DLGAP1: variants seen among roughly 807,000 people sequenced by gnomAD.
DLGAP1 encodes disks large-associated protein 1.
Under a neutral mutation model 90.8 loss-of-function variants are expected in DLGAP1, and 11 were observed. The ratio of observed to expected loss-of-function variants is 0.12; its 90% CI spans 0.08 to 0.20. The LOEUF (loss-of-function observed/expected upper bound fraction) is 0.20, where lower values mean the gene tolerates loss of function less well. DLGAP1 is among the 10% of genes least tolerant of loss of function. The probability of loss-of-function intolerance (pLI) is 1.00; values close to 1 mark genes in which losing one functional copy is unlikely to be tolerated. For synonymous variants in DLGAP1, 558 were observed against 540.7 expected (o/e 1.03, Z -0.44); for missense variants, 1,050 against 1,333.8 (o/e 0.79, Z 3.31).
At chr18:4,240,708 T>C (rs918760052) in intron 1 of DLGAP1, among the ~76,000 whole-genome samples, 3 of 152,202 alleles carry the variant, frequency 2.0e-5, no homozygotes, top group African/African-American at 7.2e-5. Flanking sequence ...TCCATAGAAA[T>C]AATTTCTTCT....
intron 1 of DLGAP1, among the ~76,000 whole-genome samples, chr18:4,316,914 G>A (rs1364755633): frequency 1.3e-5 from 2 of 152,056 alleles, no homozygotes; most frequent in African/African-American, 2.4e-5. Context: ...GGTTGCCCCC[G>A]ACCTTGCAGG....
At chr18:3,717,452 G>C (rs1409512169) in intron 7 of DLGAP1, among the ~76,000 whole-genome samples, 2 of 152,134 alleles carry the variant, frequency 1.3e-5, no homozygotes, top group African/African-American at 2.4e-5. Context: ...AGAAAAGGAA[G>C]GCTTTCTCTG....
intron 1 of DLGAP1, among the ~76,000 whole-genome samples, chr18:4,387,717 G>A (rs540724346): frequency 5.3e-5 from 8 of 152,290 alleles, no homozygotes; most frequent in Admixed American, 3.3e-4. Flanking sequence ...CAGATCATGA[G>A]GTCAGGAGTT....
chr18:3,557,517 G>T (rs149452896), intron 9 of DLGAP1, among the ~76,000 whole-genome samples: 1 of 151,644 alleles, frequency 6.6e-6, no homozygotes, highest in African/African-American at 2.4e-5. Flanking sequence ...GTGAGATTTC[G>T]TCTCAAAAGA....
At chr18:3,539,025 C>T (rs934202632) in intron 9 of DLGAP1, among the ~76,000 whole-genome samples, 20 of 152,296 alleles carry the variant, frequency 1.3e-4, no homozygotes, top group African/African-American at 4.1e-4. Flanking sequence ...TTAAAAGCGG[C>T]GCCTTTGAAC....
At chr18:4,027,972 C>G (rs2074730868) in intron 2 of DLGAP1, among the ~76,000 whole-genome samples, 1 of 152,112 alleles carries the variant, frequency 6.6e-6, no homozygotes, top group African/African-American at 2.4e-5. Context: ...CCCTTGATAA[C>G]CAATCAGTTG....
In DLGAP1 at chr18:3,879,550, C is replaced by A. The variant is rs750848691; in HGVS notation, c.519G>T (p.Ala173=). 6.3e-7 allele frequency: 1 copy of A among 1,598,720 alleles called. No individual in the cohort carries two copies. The highest frequency in any genetic ancestry group is 1.7e-5 in the Admixed American group (1 of 59,700). ...VNGGKASPDE[A]QAARYGKRSK... is the part of the protein sequence containing the mutation. ...TGCGTTTGCCATAGCGCGCCGCCTGCGCCTCGTCAGGGCTGGCCTTGCCCC... is the reference window on the plus strand; with the variant it reads ...TGCGTTTGCCATAGCGCGCCGCCTGAGCCTCGTCAGGGCTGGCCTTGCCCC... Residue 173 remains alanine, a synonymous_variant, in exon 4 of 13, where the codon GCG becomes GCT. Transcript: ENST00000315677. The surrounding 1 kb of genome is among the most constrained non-coding windows in gnomAD (Gnocchi z 6.6).
intron 1 of DLGAP1, 72 bp from the exon 2 acceptor site, chr18:4,151,359 A>G (rs1421044429): frequency 6.6e-6 from 1 of 152,210 alleles, no homozygotes; most frequent in African/African-American, 2.4e-5. Context: ...AAATGATCTC[A>G]TAAGAACTAT....
intron 4 of DLGAP1, among the ~76,000 whole-genome samples, chr18:3,848,303 G>A (rs944573830): frequency 1.3e-5 from 2 of 152,006 alleles, no homozygotes; most frequent in Non-Finnish European, 2.9e-5. Context: ...GAGCAGTAGG[G>A]AGGAGGGAGG....
chr18:4,239,525 A>T (rs1216710532), intron 1 of DLGAP1, among the ~76,000 whole-genome samples: 6 of 152,130 alleles, frequency 3.9e-5, no homozygotes, highest in Non-Finnish European at 4.4e-5. Context: ...AACTATAAAA[A>T]TTGATTTCTT....
At chr18:3,714,521 T>C (rs953270139) in intron 7 of DLGAP1, among the ~76,000 whole-genome samples, 1 of 152,248 alleles carries the variant, frequency 6.6e-6, no homozygotes, top group East Asian at 1.9e-4. Flanking sequence ...ACCTAAGCAC[T>C]AGGCTGAAAA....
At chr18:4,048,272 GT>G (rs779536516) in intron 2 of DLGAP1, among the ~76,000 whole-genome samples, 11 of 152,182 alleles carry the variant, frequency 7.2e-5, no homozygotes, top group Non-Finnish European at 1.5e-4. Context: ...TTGAAGAAAT[GT>G]AATTGCTCAT....
intron 4 of DLGAP1, among the ~76,000 whole-genome samples, chr18:3,850,166 A>T (rs565858939): frequency 6.6e-6 from 1 of 152,196 alleles, no homozygotes; most frequent in Admixed American, 6.5e-5. Context: ...CAGGAGTTCA[A>T]GAGCAGCCTG....
At chr18:4,143,521 C>G (rs1446628940) in intron 2 of DLGAP1, among the ~76,000 whole-genome samples, 1 of 151,850 alleles carries the variant, frequency 6.6e-6, no homozygotes, top group Non-Finnish European at 1.5e-5. Context: ...CAGCAGGTTC[C>G]CCTCTGGCCC....
At position 4,223,617 on chromosome 18, in the gene DLGAP1, T is replaced by A. The variant is rs1052870781; in HGVS notation, c.-266-72330A>T. Among the ~76,000 whole-genome samples the A allele has an allele frequency of 2.6e-5, 4 of 152,220 alleles. No individual in the cohort carries two copies. In the East Asian group the frequency reaches 7.7e-4, roughly 29 times the overall value. ...TATTTTAATAAATCTCAAGATTATG[T>A]AACAACAATAGATATTAAAATGGTC... On this transcript the variant is annotated intron_variant, in intron 1 of 12. Transcript: ENST00000315677.
At chr18:4,298,878 G>A (rs1047817805) in intron 1 of DLGAP1, among the ~76,000 whole-genome samples, 2 of 151,852 alleles carry the variant, frequency 1.3e-5, no homozygotes, top group Middle Eastern at 3.2e-3. Flanking sequence ...TCAAGAGATC[G>A]AAACTATCCG....
intron 7 of DLGAP1, among the ~76,000 whole-genome samples, chr18:3,661,494 A>C (rs554016177): frequency 6.6e-6 from 1 of 152,306 alleles, no homozygotes; most frequent in Admixed American, 6.5e-5. Context: ...TCCTGATGGA[A>C]AGGCCACATG....
In DLGAP1 at chr18:4,251,459, G is replaced by C. The variant is rs75416224; in HGVS notation, c.-266-100172C>G. Among the ~76,000 whole-genome samples the C allele has an allele frequency of 3.0e-3, 451 of 152,264 alleles. 8 individuals are homozygous for C. The East Asian group carries it at 0.042, about 14-fold the overall frequency. On this transcript the variant is annotated intron_variant, in intron 1 of 12. Coordinates refer to ENST00000315677, the MANE Select transcript of DLGAP1 (RefSeq NM_004746.4). Reference sequence around the variant, plus strand: ...CCTGTCTCTAGTAACCAATGTCAGAGACAACCCACGTACAACAATCTCCTT... The same window carrying C: ...CCTGTCTCTAGTAACCAATGTCAGACACAACCCACGTACAACAATCTCCTT...
At chr18:4,377,273 G>C (rs2082033583) in intron 1 of DLGAP1, among the ~76,000 whole-genome samples, 1 of 152,088 alleles carries the variant, frequency 6.6e-6, no homozygotes, top group South Asian at 2.1e-4. Flanking sequence ...ACTGGAGAGA[G>C]CATTTACTAC....
Sources: allele counts gnomAD v4.1 joint callset (sites outside exome capture counted in the v4.1 genomes callset), GRCh38; gene constraint gnomAD v4.1.1; non-coding constraint Gnocchi (gnomAD v3.1); transcripts MANE v1.5; gene names NCBI Gene and HGNC (gene_info 2026-07-23, HGNC 2026-07-21).